ANAPC1: variants seen among roughly 807,000 people sequenced by gnomAD.
The protein encoded by ANAPC1 is anaphase promoting complex subunit 1, also known as anaphase-promoting complex subunit 1.
A neutral mutation model predicts 208.0 loss-of-function variants in ANAPC1; 36 were observed. The ratio of observed to expected loss-of-function variants is 0.17; its 90% CI spans 0.13 to 0.23. The LOEUF (loss-of-function observed/expected upper bound fraction) is 0.23. Ranked by LOEUF, ANAPC1 falls within the 10% of genes least tolerant of loss-of-function variation. The pLI is 1.00. For missense variants in ANAPC1, 942 were observed against 2,011.6 expected (o/e 0.47, Z 10.17); for synonymous variants, 378 against 695.2 (o/e 0.54, Z 7.18).
rs908553180 is a variant in ANAPC1, at chr2:111,832,937, C to CAAAAAA, written c.2476+277_2476+282dup. Among the ~76,000 whole-genome samples, 259 of 53,600 alleles carry CAAAAAA rather than the reference C, an allele frequency of 4.8e-3. 11 individuals carry two copies. The highest frequency in any genetic ancestry group is 0.015 in the African/African-American group (237 of 15,578). 35.2% of individuals were successfully genotyped at this position (53,600 alleles called of 152,430 possible). On this transcript the variant is annotated intron_variant, in intron 20 of 47. Transcript: ENST00000341068. The stretch of plus-strand genomic sequence containing the variant: ...TGGGTGACAGAGCGAGACTCAGTCT[C>CAAAAAA]AAAAAAAAAAAAAAAAAAAGCATCC...
chr2:111,832,306 A>G (rs183227537), intron 20 of ANAPC1, among the ~76,000 whole-genome samples: 2,652 of 81,790 alleles, frequency 0.032, 57 homozygotes, highest in African/African-American at 0.14. Context: ...CTGTCTCAAG[A>G]AAAAAAAAAA....
intron 24 of ANAPC1, among the ~76,000 whole-genome samples, chr2:111,823,000 CTTTTTTTTTTTTTTTT>C (rs58815496): frequency 1.6e-5 from 1 of 61,312 alleles, no homozygotes; most frequent in African/African-American, 7.1e-5. Flanking sequence ...TCTTTTTATT[CTTTTTTTTTTTTTTTT>C]TTTTTTTTTT....
rs1205197541 is a variant in ANAPC1, at chr2:111,768,768, G to A, written c.*523C>T. ...CAGTACTTCATGTTGAGCAACTGAG[G>A]GCAAAAATCTCCTTCTCCTGTTTAA... is the stretch of plus-strand genomic sequence containing the variant. On this transcript the variant is annotated 3_prime_UTR_variant, in exon 48 of 48. Coordinates refer to ENST00000341068, the MANE Select transcript of ANAPC1 (RefSeq NM_022662.4). 6.8e-6 allele frequency: 1 copy of A among 147,706 alleles called. No individual in the cohort carries two copies. The highest frequency in any genetic ancestry group is 1.5e-5 in the Non-Finnish European group (1 of 66,918). The allele number at this position is 147,706 out of a possible 1,614,324, so 9.1% of individuals were successfully genotyped here. A position where few individuals can be genotyped will look rare whatever the true frequency, so the allele number is the denominator to read the frequency against.
intron 14 of ANAPC1, among the ~76,000 whole-genome samples, chr2:111,848,929 T>C (rs4848803): frequency 0.68 from 103,531 of 152,062 alleles, 35,452 homozygotes; most frequent in African/African-American, 0.75. Context: ...ACAGGAACAG[T>C]ATTTATTTGC....
intron 18 of ANAPC1, among the ~76,000 whole-genome samples, chr2:111,835,138 A>T (rs1440562433): frequency 6.6e-6 from 1 of 152,150 alleles, no homozygotes; most frequent in Non-Finnish European, 1.5e-5. Context: ...GAAGAATTAT[A>T]CTATTTAGGT....
intron 42 of ANAPC1, among the ~76,000 whole-genome samples, chr2:111,783,244 G>C (rs1199958042): frequency 6.6e-6 from 1 of 152,126 alleles, no homozygotes; most frequent in Non-Finnish European, 1.5e-5. Flanking sequence ...ACATGGTTAG[G>C]CTCTGTGTCC....
intron 1 of ANAPC1, among the ~76,000 whole-genome samples, chr2:111,883,337 G>A (rs1477330666): frequency 1.3e-5 from 2 of 151,966 alleles, no homozygotes; most frequent in Non-Finnish European, 1.5e-5. Context: ...AACTTTGAGA[G>A]AAAATTACAG....
chr2:111,826,504 T>C (rs1056719378), intron 21 of ANAPC1, among the ~76,000 whole-genome samples: 8 of 152,190 alleles, frequency 5.3e-5, no homozygotes. Flanking sequence ...GTCTTTGAGA[T>C]TCATTCACGT....
At position 111,843,424 on chromosome 2, in the gene ANAPC1, T is replaced by C. The variant is rs746181020; in HGVS notation, c.2028A>G (p.Ala676=). 7 of 1,611,978 alleles carry C rather than the reference T, an allele frequency of 4.3e-6. No homozygotes were observed. Among genetic ancestry groups the C allele is most frequent in the Non-Finnish European group, 5.9e-6 (7 of 1,179,838 alleles). The part of the protein sequence containing the change: ...NMMGYNTDRL[A]WTRNFDFEGS... ...AGTATTTACTTACATTTCTAGTCCA[T>C]GCTAAGCGGTCTGTGTTATAACCCA... The change falls in exon 17 of 48, where the codon GCA becomes GCG. Residue 676 remains alanine, a synonymous_variant. Transcript: ENST00000341068.
chr2:111,858,402 C>CT lies in ANAPC1; in HGVS notation c.1263-2dup, dbSNP rs1681856638. 6.2e-7 allele frequency: 1 copy of CT among 1,607,258 alleles called. No homozygotes were observed. Among genetic ancestry groups the CT allele is most frequent in the Non-Finnish European group, 8.5e-7 (1 of 1,174,736 alleles). ...TTTTGAGGCTTGTGAATTTTTCTCT[C>CT]TATAATAGATACATTAATAAAGTAA... On this transcript the variant is annotated splice_acceptor_variant, in intron 10 of 47. Coordinates refer to ENST00000341068, the MANE Select transcript of ANAPC1 (RefSeq NM_022662.4). LOFTEE classifies it high-confidence loss of function.
intron 16 of ANAPC1, among the ~76,000 whole-genome samples, chr2:111,846,559 A>ATTTTTTTT (rs775041785): frequency 2.6e-4 from 12 of 46,298 alleles, no homozygotes; most frequent in South Asian, 1.1e-3. Context: ...ATATATATAT[A>ATTTTTTTT]TTTTTTTTTT....
At chr2:111,860,196 G>C (rs906648006) in intron 10 of ANAPC1, among the ~76,000 whole-genome samples, 13 of 152,076 alleles carry the variant, frequency 8.5e-5, no homozygotes, top group African/African-American at 2.7e-4. Context: ...CTATCTGGGA[G>C]GCTGAGGTTG....
intron 6 of ANAPC1, among the ~76,000 whole-genome samples, chr2:111,870,698 T>G (rs188405347): frequency 6.6e-6 from 1 of 152,244 alleles, no homozygotes; most frequent in Non-Finnish European, 1.5e-5. Context: ...CTTTTTATTT[T>G]AATTAGGTCC....
chr2:111,799,203 T>C (rs1335917390), intron 34 of ANAPC1, among the ~76,000 whole-genome samples: 1 of 152,184 alleles, frequency 6.6e-6, no homozygotes, highest in Non-Finnish European at 1.5e-5. Context: ...GAAAAAGTTC[T>C]CAACATTAAC....
At position 111,843,820 on chromosome 2, in the gene ANAPC1, C is replaced by CTTTTTTTTTTTTT. The variant is rs369036574; in HGVS notation, c.1853-234_1853-222dup. On this transcript the variant is annotated intron_variant, in intron 16 of 47. Coordinates refer to ENST00000341068, the MANE Select transcript of ANAPC1 (RefSeq NM_022662.4). ...AGGCTTGAAAGGGGTCTGAAGACAG[C>CTTTTTTTTTTTTT]TTTTTTTTTTTTTTTTTTTTTTGAG... Among the ~76,000 whole-genome samples the CTTTTTTTTTTTTT allele has an allele frequency of 2.3e-5, 2 of 86,828 alleles. 1 individual carries two copies. Among genetic ancestry groups the CTTTTTTTTTTTTT allele is most frequent in the African/African-American group, 9.3e-5 (2 of 21,566 alleles). The allele number at this position is 86,828 out of a possible 152,430, so 57.0% of individuals were successfully genotyped here.
chr2:111,831,568 A>C, intron 20 of ANAPC1, 134 bp from the exon 21 acceptor site: 1 of 819,324 alleles, frequency 1.2e-6, no homozygotes, highest in East Asian at 2.8e-5. Flanking sequence ...AGCTGGGTGC[A>C]GTGGCTCACG....
At chr2:111,842,186 A>G (rs1259509437) in intron 17 of ANAPC1, among the ~76,000 whole-genome samples, 1 of 152,246 alleles carries the variant, frequency 6.6e-6, no homozygotes, top group African/African-American at 2.4e-5. Context: ...GAGATATTTT[A>G]GAAAAAATTT....
At chr2:111,837,528 G>C (rs1680531830) in intron 18 of ANAPC1, among the ~76,000 whole-genome samples, 1 of 152,074 alleles carries the variant, frequency 6.6e-6, no homozygotes, top group African/African-American at 2.4e-5. Flanking sequence ...GTTGAGGCAG[G>C]AGAATAGCTT....
chr2:111,862,263 T>G, intron 10 of ANAPC1, 126 bp downstream of exon 10: 1 of 932,082 alleles, frequency 1.1e-6, no homozygotes, highest in Non-Finnish European at 1.5e-6. Context: ...TTAATACATA[T>G]CTCTATATAT....
Sources: gnomAD v4.1 joint callset for allele counts (sites outside exome capture counted in the v4.1 genomes callset) on GRCh38, gnomAD v4.1.1 for gene constraint, MANE v1.5 for transcripts, NCBI Gene and HGNC (gene_info 2026-07-23, HGNC 2026-07-21) for gene names.